Variants in ANKRD6 observed in about 807,000 individuals in gnomAD.
The protein encoded by ANKRD6 is ankyrin repeat domain-containing protein 6.
In ANKRD6, 56 loss-of-function variants were observed where a neutral mutation model predicts 82.3. That is an observed-to-expected ratio of 0.68 (90% CI 0.55 to 0.85). The LOEUF (loss-of-function observed/expected upper bound fraction) is 0.85, where lower values mean the gene tolerates loss of function less well. Ranked by LOEUF, ANKRD6 falls within the 40% of genes least tolerant of loss-of-function variation. The probability of loss-of-function intolerance (pLI) is 0.00; values close to 1 mark genes in which losing one functional copy is unlikely to be tolerated. For synonymous variants in ANKRD6, 347 were observed against 352.1 expected (o/e 0.99, Z 0.16); for missense variants, 852 against 907.6 (o/e 0.94, Z 0.79).
At chr6:89,530,552 G>A (rs1783021027) in intron 1 of ANKRD6, among the ~76,000 whole-genome samples, 2 of 152,166 alleles carry the variant, frequency 1.3e-5, no homozygotes, top group South Asian at 4.1e-4. Flanking sequence ...GTGGCAACTG[G>A]GAGTTGAGTA....
intron 2 of ANKRD6, among the ~76,000 whole-genome samples, chr6:89,567,577 T>C (rs893641423): frequency 6.6e-6 from 1 of 152,164 alleles, no homozygotes; most frequent in Non-Finnish European, 1.5e-5. Flanking sequence ...TGGTAAGCTT[T>C]GGAGGGCATT....
At chr6:89,500,918 T>G (rs1039315608) in intron 1 of ANKRD6, among the ~76,000 whole-genome samples, 7 of 151,418 alleles carry the variant, frequency 4.6e-5, no homozygotes, top group African/African-American at 1.7e-4. Flanking sequence ...GAGTAAATAA[T>G]AAAGATAATG....
chr6:89,444,837 G>A lies in ANKRD6; in HGVS notation c.-144+11462G>A, dbSNP rs181196843. 2.5e-3 allele frequency among the ~76,000 whole-genome samples: 373 copies of A among 152,082 alleles called. 1 individual carries two copies. The highest frequency in any genetic ancestry group is 8.4e-3 in the African/African-American group (349 of 41,496). Reference sequence around the variant, plus strand: ...AAAAAAATTAGGCAGGCATGGTGGCGCACACCTGTAGTCCCAGCTACTTGG... The same window carrying A: ...AAAAAAATTAGGCAGGCATGGTGGCACACACCTGTAGTCCCAGCTACTTGG... On this transcript the variant is annotated intron_variant, in intron 1 of 15. Coordinates refer to ENST00000339746, the MANE Select transcript of ANKRD6 (RefSeq NM_001242809.2).
intron 1 of ANKRD6, among the ~76,000 whole-genome samples, chr6:89,476,184 T>G (rs1776013586): frequency 6.6e-6 from 1 of 152,110 alleles, no homozygotes; most frequent in Non-Finnish European, 1.5e-5. Context: ...TTTTTTTGTT[T>G]TGTTTTGTTT....
At chr6:89,591,523 G>T (rs186974804) in intron 2 of ANKRD6, among the ~76,000 whole-genome samples, 213 of 152,326 alleles carry the variant, frequency 1.4e-3, no homozygotes, top group Middle Eastern at 3.4e-3. Flanking sequence ...GTCATTCAAA[G>T]GTGCCTCTAA....
intron 1 of ANKRD6, among the ~76,000 whole-genome samples, chr6:89,538,306 A>T (rs916415635): frequency 6.6e-6 from 1 of 152,174 alleles, no homozygotes; most frequent in African/African-American, 2.4e-5. Flanking sequence ...TCAAAGTGTG[A>T]TCTAATGCTG....
chr6:89,563,808 A>C (rs1361170323), intron 1 of ANKRD6, among the ~76,000 whole-genome samples: 3 of 152,186 alleles, frequency 2.0e-5, no homozygotes, highest in Non-Finnish European at 4.4e-5. Context: ...TCTCACTCTA[A>C]GGAATGGGTA....
Position 89,618,033 on chromosome 6 carries a change from T to C in ANKRD6, c.792+2T>C. The C allele has an allele frequency of 6.2e-7, 1 of 1,613,934 alleles. No homozygotes were observed. The highest frequency in any genetic ancestry group is 8.5e-7 in the Non-Finnish European group (1 of 1,179,844). On this transcript the variant is annotated splice_donor_variant, in intron 9 of 15. Transcript: ENST00000339746. LOFTEE classifies it high-confidence loss of function. ...CTTCTCCTTACTAAAGCTCCCCAGGTAGGATTTACTGCCCTTTCCATGGTA... is the reference window on the plus strand; with the variant it reads ...CTTCTCCTTACTAAAGCTCCCCAGGCAGGATTTACTGCCCTTTCCATGGTA...
At chr6:89,577,937 C>CA (rs1562895308) in intron 2 of ANKRD6, among the ~76,000 whole-genome samples, 1 of 152,220 alleles carries the variant, frequency 6.6e-6, no homozygotes, top group Non-Finnish European at 1.5e-5. Flanking sequence ...AATTCAGTAT[C>CA]ATTCATAAAA....
At chr6:89,473,272 A>T (rs1391695773) in intron 1 of ANKRD6, among the ~76,000 whole-genome samples, 1 of 151,986 alleles carries the variant, frequency 6.6e-6, no homozygotes, top group East Asian at 1.9e-4. Flanking sequence ...TTAGCCAGGC[A>T]TGGCGGCGTA....
At chr6:89,532,832 G>C (rs1783341281) in intron 1 of ANKRD6, among the ~76,000 whole-genome samples, 1 of 151,676 alleles carries the variant, frequency 6.6e-6, no homozygotes, top group South Asian at 2.1e-4. Flanking sequence ...CTCCTGAGTA[G>C]CTGGGATCAC....
intron 2 of ANKRD6, among the ~76,000 whole-genome samples, chr6:89,586,327 C>T (rs1793675304): frequency 6.6e-6 from 1 of 152,126 alleles, no homozygotes; most frequent in Admixed American, 6.5e-5. Context: ...AAGAACAGTC[C>T]TTATATCCAA....
chr6:89,506,764 G>A (rs984955758), intron 1 of ANKRD6, among the ~76,000 whole-genome samples: 9 of 152,186 alleles, frequency 5.9e-5, no homozygotes, highest in Admixed American at 3.9e-4. Context: ...TTTTGCACAG[G>A]TGACTTTAGT....
chr6:89,572,796 T>A (rs1249425824), intron 2 of ANKRD6, among the ~76,000 whole-genome samples: 3 of 152,252 alleles, frequency 2.0e-5, no homozygotes. Flanking sequence ...TTGAGCGGTC[T>A]TGGTATCTTT....
chr6:89,472,732 A>G (rs946631437), intron 1 of ANKRD6, among the ~76,000 whole-genome samples: 7 of 152,174 alleles, frequency 4.6e-5, no homozygotes, highest in Non-Finnish European at 1.0e-4. Flanking sequence ...ACGTTGGAGT[A>G]TCTGCCTTGG....
intron 1 of ANKRD6, among the ~76,000 whole-genome samples, chr6:89,548,799 G>C (rs140905046): frequency 6.6e-6 from 1 of 152,202 alleles, no homozygotes; most frequent in Admixed American, 6.5e-5. Flanking sequence ...GTTACGCAGC[G>C]TCTTAGTGTG....
intron 2 of ANKRD6, among the ~76,000 whole-genome samples, chr6:89,592,386 G>A (rs555043963): frequency 1.3e-5 from 2 of 152,290 alleles, no homozygotes; most frequent in East Asian, 3.9e-4. Flanking sequence ...AGTGGGCAGT[G>A]GAGGTTATTC....
intron 1 of ANKRD6, among the ~76,000 whole-genome samples, chr6:89,462,628 C>T (rs751205539): frequency 6.6e-6 from 1 of 152,182 alleles, no homozygotes; most frequent in Non-Finnish European, 1.5e-5. Context: ...GAGTGGGTTT[C>T]ATATGCCTCT....
intron 1 of ANKRD6, among the ~76,000 whole-genome samples, chr6:89,532,643 C>T (rs1783309556): frequency 6.6e-6 from 1 of 152,100 alleles, no homozygotes; most frequent in African/African-American, 2.4e-5. Flanking sequence ...CCCTGCTGCT[C>T]AAAGATCATT....
Sources: allele counts gnomAD v4.1 joint callset (sites outside exome capture counted in the v4.1 genomes callset), GRCh38; gene constraint gnomAD v4.1.1; transcripts MANE v1.5; gene names NCBI Gene and HGNC (gene_info 2026-07-23, HGNC 2026-07-21).